Variants in ADK observed in about 807,000 individuals in gnomAD.
ADK encodes N6,N6-dimethyladenosine kinase.
ADK carries 24 observed loss-of-function variants against 44.7 expected under a neutral mutation model. The ratio of observed to expected loss-of-function variants is 0.54; its 90% CI spans 0.39 to 0.76. The LOEUF is 0.76. Ranked by LOEUF, ADK falls within the 30% of genes least tolerant of loss-of-function variation. The probability of loss-of-function intolerance (pLI) is 0.00; values close to 1 mark genes in which losing one functional copy is unlikely to be tolerated. For missense variants in ADK, 321 were observed against 425.1 expected (o/e 0.76, Z 2.15); for synonymous variants, 128 against 142.6 (o/e 0.90, Z 0.73).
At chr10:74,574,803 A>G (rs759660516) in intron 7 of ADK, among the ~76,000 whole-genome samples, 5 of 152,190 alleles carry the variant, frequency 3.3e-5, no homozygotes, top group Non-Finnish European at 5.9e-5. Context: ...CTTTGCTACC[A>G]TCCCTGAAAC....
chr10:74,558,411 G>A (rs1850341436), intron 7 of ADK, among the ~76,000 whole-genome samples: 2 of 152,198 alleles, frequency 1.3e-5, no homozygotes, highest in Admixed American at 6.5e-5. Flanking sequence ...GGAAGGACCT[G>A]GCGAGAGGTG....
chr10:74,358,654 G>A (rs191141138), intron 4 of ADK, among the ~76,000 whole-genome samples: 3 of 152,264 alleles, frequency 2.0e-5, no homozygotes, highest in African/African-American at 7.2e-5. Flanking sequence ...TCAGAGCTAG[G>A]AATTCTTGTG....
Position 74,271,377 on chromosome 10 carries a change from T to C in ADK, c.195-43290T>C, listed in dbSNP as rs112657898. On this transcript the variant is annotated intron_variant, in intron 3 of 10. Coordinates refer to ENST00000539909, the MANE Select transcript of ADK (RefSeq NM_006721.4). ...AAGTATGTCTACTTTACATTTATAT[T>C]CAGGTATATATATATTTTTGTTGTT... Among the ~76,000 whole-genome samples the C allele has an allele frequency of 5.0e-3, 763 of 152,194 alleles. 10 individuals are homozygous for C. Among genetic ancestry groups the C allele is most frequent in the African/African-American group, 0.017 (711 of 41,512 alleles).
chr10:74,371,983 C>A, intron 4 of ADK: 1 of 822,224 alleles, frequency 1.2e-6, no homozygotes, highest in Non-Finnish European at 2.1e-6. Flanking sequence ...TTGTGTAACA[C>A]AGATTCTCCT....
intron 6 of ADK, among the ~76,000 whole-genome samples, chr10:74,423,038 C>G (rs1844621723): frequency 6.6e-6 from 1 of 152,114 alleles, no homozygotes; most frequent in South Asian, 2.1e-4. Context: ...TGTAGATGCT[C>G]TTGCTGAGTC....
chr10:74,487,722 C>T (rs1847314536), intron 6 of ADK, among the ~76,000 whole-genome samples: 1 of 151,856 alleles, frequency 6.6e-6, no homozygotes, highest in Non-Finnish European at 1.5e-5. Context: ...TCCATCGGAG[C>T]TTTTGGGGAA....
rs1244641396 is a variant in ADK, at chr10:74,274,745, TATACAC to T, written c.195-39920_195-39915del. Reference sequence around the variant, plus strand: ...ATTTTAATGTGTGTATATATATATATATACACACACACATTATATATATATAATTTT... The same window carrying T: ...ATTTTAATGTGTGTATATATATATATACACACATTATATATATATAATTTT... On this transcript the variant is annotated intron_variant, in intron 3 of 10. Transcript: ENST00000539909. 1.9e-4 allele frequency among the ~76,000 whole-genome samples: 24 copies of T among 129,056 alleles called. 2 individuals are homozygous for T. The highest frequency in any genetic ancestry group is 4.7e-4 in the South Asian group (2 of 4,240). 84.7% of individuals were successfully genotyped at this position (129,056 alleles called of 152,430 possible).
intron 6 of ADK, among the ~76,000 whole-genome samples, chr10:74,406,219 A>T (rs1843919576): frequency 6.6e-6 from 1 of 152,090 alleles, no homozygotes; most frequent in Non-Finnish European, 1.5e-5. Context: ...CATGATAGGG[A>T]GTAAATCTAG....
Position 74,394,907 on chromosome 10 carries a change from G to A in ADK, c.446+594G>A, listed in dbSNP as rs180686599. Among the ~76,000 whole-genome samples the A allele has an allele frequency of 1.2e-3, 180 of 152,192 alleles. 2 individuals are homozygous for A. The highest frequency in any genetic ancestry group is 4.2e-3 in the African/African-American group (173 of 41,524). ...CTATACACCCTTACTTATTAGAAAA[G>A]TATTCTTAATATGAACTTGAAATAT... On this transcript the variant is annotated intron_variant, in intron 5 of 10. Transcript: ENST00000539909.
At chr10:74,645,486 G>T (rs1854024091) in intron 9 of ADK, among the ~76,000 whole-genome samples, 1 of 152,092 alleles carries the variant, frequency 6.6e-6, no homozygotes, top group African/African-American at 2.4e-5. Context: ...GGAAATATAG[G>T]TTTTGTGAAA....
intron 6 of ADK, among the ~76,000 whole-genome samples, chr10:74,465,113 C>T (rs2133263042): frequency 6.6e-6 from 1 of 152,058 alleles, no homozygotes; most frequent in South Asian, 2.1e-4. Flanking sequence ...GTGTTCAGGT[C>T]TAGCATGAAA....
intron 10 of ADK, among the ~76,000 whole-genome samples, chr10:74,674,094 A>G (rs956756226): frequency 1.3e-5 from 2 of 152,104 alleles, no homozygotes; most frequent in Admixed American, 1.3e-4. Flanking sequence ...ACAAGGATGT[A>G]AGTTCTCACT....
At chr10:74,478,896 A>G (rs1009475475) in intron 6 of ADK, among the ~76,000 whole-genome samples, 1 of 152,176 alleles carries the variant, frequency 6.6e-6, no homozygotes, top group African/African-American at 2.4e-5. Context: ...CCGTGCCTTT[A>G]CTCAGATATG....
chr10:74,634,954 A>T (rs1168598487), intron 9 of ADK, among the ~76,000 whole-genome samples: 1 of 152,196 alleles, frequency 6.6e-6, no homozygotes, highest in African/African-American at 2.4e-5. Context: ...TCAGAAAAAA[A>T]ACCCACAAAA....
At chr10:74,203,618 TC>T (rs1843477770) in intron 2 of ADK, among the ~76,000 whole-genome samples, 1 of 152,054 alleles carries the variant, frequency 6.6e-6, no homozygotes, top group Non-Finnish European at 1.5e-5. Context: ...CAAGTTGTCT[TC>T]CCACCTTGGC....
intron 1 of ADK, among the ~76,000 whole-genome samples, chr10:74,193,097 G>A (rs1843002848): frequency 6.6e-6 from 1 of 152,098 alleles, no homozygotes; most frequent in Admixed American, 6.6e-5. Context: ...TTCTTTTCTT[G>A]ATGATTTGAC....
intron 7 of ADK, among the ~76,000 whole-genome samples, chr10:74,535,692 C>T (rs1440480322): frequency 6.6e-6 from 1 of 151,006 alleles, no homozygotes; most frequent in Non-Finnish European, 1.5e-5. Flanking sequence ...AAGCAATTCT[C>T]GTGTCTCAGC....
chr10:74,624,739 T>C (rs1292119655), intron 9 of ADK, among the ~76,000 whole-genome samples: 2 of 151,856 alleles, frequency 1.3e-5, no homozygotes, highest in Non-Finnish European at 2.9e-5. Flanking sequence ...AAGAGTGGGG[T>C]GCTATTAATA....
chr10:74,564,573 A>T (rs1338792355), intron 7 of ADK, among the ~76,000 whole-genome samples: 2 of 152,030 alleles, frequency 1.3e-5, no homozygotes, highest in Non-Finnish European at 2.9e-5. Flanking sequence ...GCATTTTCTC[A>T]ACAGTTTTTG....
Sources: allele counts gnomAD v4.1 joint callset (sites outside exome capture counted in the v4.1 genomes callset), GRCh38; gene constraint gnomAD v4.1.1; transcripts MANE v1.5; gene names NCBI Gene and HGNC (gene_info 2026-07-23, HGNC 2026-07-21).